Variants in FZD6 observed in about 807,000 individuals in gnomAD.
FZD6 encodes the protein frizzled class receptor 6, also known as frizzled-6.
In FZD6, 49 loss-of-function variants were observed where a neutral mutation model predicts 61.4. The observed-to-expected ratio is 0.80, with a 90% CI of 0.63 to 1.01. The LOEUF (loss-of-function observed/expected upper bound fraction) is 1.01, where lower values mean the gene tolerates loss of function less well. Among genes scored for constraint, FZD6 ranks in the 50% least tolerant of loss-of-function variants. FZD6 has a pLI of 0.00. For synonymous variants in FZD6, 265 were observed against 292.2 expected, an observed-to-expected ratio of 0.91 and a Z score of 0.95; for missense variants, 724 against 848.2, an observed-to-expected ratio of 0.85 and a Z score of 1.82.
At chr8:103,305,603 A>G (rs945430281) in intron 2 of FZD6, among the ~76,000 whole-genome samples, 1 of 152,244 alleles carries the variant, frequency 6.6e-6, no homozygotes, top group African/African-American at 2.4e-5. Context: ...AGGAAAGACT[A>G]TCTGAAAATA....
chr8:103,325,345 T>C lies in FZD6; in HGVS notation c.1239T>C (p.Phe413=). ...DGRNQEKLKK[F]MIRIGVFSGL... is the part of the protein sequence containing the mutation. Reference sequence around the variant, plus strand: ...GGAACCAAGAAAAACTAAAGAAATTTATGATTCGAATTGGAGTCTTCAGCG... The same window carrying C: ...GGAACCAAGAAAAACTAAAGAAATTCATGATTCGAATTGGAGTCTTCAGCG... The change falls in exon 4 of 7, where the codon TTT becomes TTC. Residue 413 remains phenylalanine (F), a synonymous_variant. Coordinates refer to ENST00000358755, the MANE Select transcript of FZD6 (RefSeq NM_003506.4). 1 of 1,614,170 alleles carries C rather than the reference T, an allele frequency of 6.2e-7. No homozygotes were observed. Among genetic ancestry groups the C allele is most frequent in the Non-Finnish European group, 8.5e-7 (1 of 1,180,008 alleles).
chr8:103,320,660 A>G (rs541230888), intron 3 of FZD6, among the ~76,000 whole-genome samples: 1 of 152,192 alleles, frequency 6.6e-6, no homozygotes, highest in East Asian at 1.9e-4. Flanking sequence ...TTGCAGACGA[A>G]GGGCAGGATG....
At chr8:103,308,321 C>T (rs1814399365) in intron 2 of FZD6, among the ~76,000 whole-genome samples, 1 of 152,176 alleles carries the variant, frequency 6.6e-6, no homozygotes, top group Non-Finnish European at 1.5e-5. Context: ...TCCAGTCACA[C>T]ACTGCTTTTC....
At chr8:103,314,200 C>A (rs754408769) in intron 2 of FZD6, among the ~76,000 whole-genome samples, 3 of 152,182 alleles carry the variant, frequency 2.0e-5, no homozygotes, top group Admixed American at 6.5e-5. Context: ...GTATTGCATT[C>A]ATTTTGCCTG....
At chr8:103,302,119 A>G (rs1320888195) in intron 2 of FZD6, among the ~76,000 whole-genome samples, 1 of 152,208 alleles carries the variant, frequency 6.6e-6, no homozygotes, top group Non-Finnish European at 1.5e-5. Flanking sequence ...CAATACCAGC[A>G]TTAACCTAAG....
intron 2 of FZD6, among the ~76,000 whole-genome samples, chr8:103,302,192 TA>T (rs1374679618): frequency 6.6e-6 from 1 of 152,178 alleles, no homozygotes; most frequent in Non-Finnish European, 1.5e-5. Flanking sequence ...CTCAGACTTT[TA>T]ATCCCTATAT....
intron 5 of FZD6, among the ~76,000 whole-genome samples, chr8:103,328,735 G>A (rs1231393416): frequency 6.6e-6 from 1 of 151,250 alleles, no homozygotes; most frequent in Non-Finnish European, 1.5e-5. Flanking sequence ...TATTACTGCT[G>A]TCATTGGATT....
At chr8:103,329,315 T>C (rs1815054337) in intron 5 of FZD6, among the ~76,000 whole-genome samples, 1 of 151,676 alleles carries the variant, frequency 6.6e-6, no homozygotes, top group Admixed American at 6.6e-5. Context: ...CTGGTTTACT[T>C]TTATATTACA....
At chr8:103,311,959 T>C (rs964562601) in intron 2 of FZD6, among the ~76,000 whole-genome samples, 1 of 152,198 alleles carries the variant, frequency 6.6e-6, no homozygotes, top group Non-Finnish European at 1.5e-5. Flanking sequence ...AATTAAAGTA[T>C]TAGAATTAAA....
chr8:103,300,346 T>G (rs1814124473), intron 2 of FZD6, 62 bp downstream of exon 2: 1 of 1,144,818 alleles, frequency 8.7e-7, no homozygotes, highest in Non-Finnish European at 1.3e-6. Flanking sequence ...AATAAACTAG[T>G]AAAAATAAGT....
intron 1 of FZD6, among the ~76,000 whole-genome samples, chr8:103,299,506 G>A (rs1814087343): frequency 6.6e-6 from 1 of 152,166 alleles, no homozygotes; most frequent in Admixed American, 6.5e-5. Context: ...TACATACCCA[G>A]AAGACTGCCA....
chr8:103,326,677 T>A (rs1814959962), intron 4 of FZD6, among the ~76,000 whole-genome samples: 1 of 144,606 alleles, frequency 6.9e-6, no homozygotes. Flanking sequence ...AAAAATTTTT[T>A]TAAAGATTCT....
intron 2 of FZD6, among the ~76,000 whole-genome samples, chr8:103,307,234 A>C (rs981932009): frequency 1.3e-5 from 2 of 152,290 alleles, no homozygotes; most frequent in Non-Finnish European, 2.9e-5. Context: ...TCTAGCCCAG[A>C]CTTTCCCTTC....
chr8:103,308,449 T>C (rs948183115), intron 2 of FZD6, among the ~76,000 whole-genome samples: 1 of 152,086 alleles, frequency 6.6e-6, no homozygotes, highest in Non-Finnish European at 1.5e-5. Flanking sequence ...CCTGAGACCA[T>C]CTTTCTACTG....
chr8:103,329,576 T>A (rs1815059367), intron 5 of FZD6, 79 bp from the exon 6 acceptor site: 7 of 1,054,176 alleles, frequency 6.6e-6, no homozygotes, highest in Non-Finnish European at 9.9e-6. Flanking sequence ...TGGCAAAAGA[T>A]ATGTGATATC....
intron 2 of FZD6, among the ~76,000 whole-genome samples, chr8:103,301,062 CAG>C (rs1226078941): frequency 2.6e-5 from 4 of 152,118 alleles, no homozygotes; most frequent in African/African-American, 9.7e-5. Flanking sequence ...TCCAGAAAAA[CAG>C]AATAGTAAAG....
At chr8:103,329,280 T>G (rs1465522764) in intron 5 of FZD6, among the ~76,000 whole-genome samples, 1 of 151,510 alleles carries the variant, frequency 6.6e-6, no homozygotes, top group Non-Finnish European at 1.5e-5. Flanking sequence ...TGAAGACCGT[T>G]AATTATATTC....
intron 1 of FZD6, among the ~76,000 whole-genome samples, 156 bp downstream of exon 1, chr8:103,299,151 C>T (rs1814068731): frequency 6.6e-6 from 1 of 152,166 alleles, no homozygotes; most frequent in South Asian, 2.1e-4. Flanking sequence ...CCTGAGTTTC[C>T]TCGGAAGCGG....
intron 2 of FZD6, among the ~76,000 whole-genome samples, chr8:103,310,599 A>G (rs926418321): frequency 9.2e-5 from 14 of 152,262 alleles, no homozygotes; most frequent in African/African-American, 2.4e-4. Flanking sequence ...TCAAAAATTC[A>G]GAGATGCCAG....
Sources: gnomAD v4.1 joint callset for allele counts (sites outside exome capture counted in the v4.1 genomes callset) on GRCh38, gnomAD v4.1.1 for gene constraint, MANE v1.5 for transcripts, NCBI Gene and HGNC (gene_info 2026-07-23, HGNC 2026-07-21) for gene names.